The following CERS6 variants were observed in gnomAD, a reference collection of about 807,000 sequenced individuals.
The protein encoded by CERS6 is LAG1 homolog, ceramide synthase 6.
In CERS6, 26 loss-of-function variants were observed where a neutral mutation model predicts 56.8. The ratio of observed to expected loss-of-function variants is 0.46; its 90% confidence interval spans 0.34 to 0.63. The LOEUF (loss-of-function observed/expected upper bound fraction) is 0.63. Ranked by LOEUF, CERS6 falls within the 30% of genes least tolerant of loss-of-function variation. The pLI is 0.01. For missense variants in CERS6, 415 were observed against 467.5 expected, an observed-to-expected ratio of 0.89 and a Z score of 1.04; for synonymous variants, 164 against 173.3, an observed-to-expected ratio of 0.95 and a Z score of 0.42.
At chr2:168,732,458 A>G (rs1221272839) in intron 8 of CERS6, among the ~76,000 whole-genome samples, 1 of 152,164 alleles carries the variant, frequency 6.6e-6, no homozygotes, top group Non-Finnish European at 1.5e-5. Context: ...TGTTTACTTA[A>G]TTCAATCTAA....
intron 8 of CERS6, among the ~76,000 whole-genome samples, chr2:168,721,549 T>TA (rs1366908772): frequency 3.3e-5 from 1 of 30,324 alleles, no homozygotes; most frequent in African/African-American, 5.7e-5. Context: ...TTAGTTTTTG[T>TA]TTTTGTTTTT....
chr2:168,568,456 T>C (rs940543978), intron 3 of CERS6, among the ~76,000 whole-genome samples: 1 of 152,216 alleles, frequency 6.6e-6, no homozygotes, highest in Admixed American at 6.5e-5. Flanking sequence ...TCCTTATAAT[T>C]GATTTTGATT....
intron 1 of CERS6, among the ~76,000 whole-genome samples, chr2:168,457,920 A>C (rs756991640): frequency 3.3e-5 from 5 of 152,198 alleles, no homozygotes; most frequent in Admixed American, 6.5e-5. Flanking sequence ...TCGCCTGCAG[A>C]AATTGACATG....
In CERS6 at chr2:168,769,701, T is replaced by G; in HGVS notation, c.*39T>G. On this transcript the variant is annotated 3_prime_UTR_variant, in exon 10 of 10. Transcript: ENST00000305747. ...CAAGTCCCAAGCAAAGTGAACTATT[T>G]GTTCCTGGAAGTATTTAATAAGTTG... 6.3e-7 allele frequency: 1 copy of G among 1,593,794 alleles called. No homozygotes were observed. The highest frequency in any genetic ancestry group is 8.5e-7 in the Non-Finnish European group (1 of 1,171,022).
chr2:168,563,083 A>G (rs1053864159), intron 3 of CERS6, among the ~76,000 whole-genome samples: 4 of 152,152 alleles, frequency 2.6e-5, no homozygotes, highest in East Asian at 3.9e-4. Context: ...CTCAAATACT[A>G]TTGTATTTGA....
At chr2:168,501,693 T>C in intron 1 of CERS6, among the ~76,000 whole-genome samples, 1 of 152,224 alleles carries the variant, frequency 6.6e-6, no homozygotes, top group Non-Finnish European at 1.5e-5. Flanking sequence ...ACCAGCTGTC[T>C]TTTAATGATT....
rs1553503146 is a variant in CERS6, at chr2:168,645,116, A to AAAAT, written c.465+14075_465+14076insAATA. The stretch of plus-strand genomic sequence containing the variant: ...AAAAAAAAAAAAAAAAAAAAAAAAA[A>AAAAT]ATATATATATATATATATATATATA... On this transcript the variant is annotated intron_variant, in intron 4 of 9. Transcript: ENST00000305747. Among the ~76,000 whole-genome samples, 10 of 19,034 alleles carry AAAAT rather than the reference A, an allele frequency of 5.3e-4. 3 individuals are homozygous for AAAAT. The highest frequency in any genetic ancestry group is 8.0e-4 in the Non-Finnish European group (8 of 10,018). 12.5% of individuals were successfully genotyped at this position (19,034 alleles called of 152,430 possible).
chr2:168,569,745 A>G (rs1476921105), intron 3 of CERS6, among the ~76,000 whole-genome samples: 1 of 152,130 alleles, frequency 6.6e-6, no homozygotes, highest in Non-Finnish European at 1.5e-5. Context: ...TGGGCTGTGG[A>G]GCCTGGGAGT....
At chr2:168,660,637 CAT>C (rs1423498464) in intron 4 of CERS6, among the ~76,000 whole-genome samples, 1 of 151,976 alleles carries the variant, frequency 6.6e-6, no homozygotes, top group African/African-American at 2.4e-5. Context: ...ACTTAAATAA[CAT>C]GTCTTCTTTA....
Position 168,456,537 on chromosome 2 carries a change from C to T in CERS6, c.89C>T (p.Ala30Val). 1.9e-6 allele frequency: 3 copies of T among 1,614,016 alleles called. No homozygotes were observed. The highest frequency in any genetic ancestry group is 2.2e-5 in the East Asian group (1 of 44,862). Reference protein sequence around the residue: ...TWADLKNTEEATFPQAEDLYL... With the variant: ...TWADLKNTEEVTFPQAEDLYL... ...GCGGACCTGAAGAACACGGAGGAGG[C>T]CACCTTCCCGCAGGCTGAGGACCTC... The change falls in exon 1 of 10, where the codon GCC (alanine) becomes GTC (valine). Residue 30 changes from alanine (A) to valine (V), a missense_variant. Transcript: ENST00000305747. The surrounding 1 kb of genome is among the most constrained non-coding windows in gnomAD (Gnocchi z 4.1).
intron 3 of CERS6, among the ~76,000 whole-genome samples, chr2:168,626,075 TTCTC>T (rs1224712569): frequency 6.6e-6 from 1 of 152,300 alleles, no homozygotes; most frequent in South Asian, 2.1e-4. Flanking sequence ...AATCCTGACT[TTCTC>T]TCTTACTAGC....
chr2:168,484,369 C>T (rs1355904889), intron 1 of CERS6, among the ~76,000 whole-genome samples: 16 of 151,386 alleles, frequency 1.1e-4, no homozygotes, highest in Admixed American at 5.9e-4. Flanking sequence ...TTAGTAGAGA[C>T]GGGGTTTCTC....
intron 1 of CERS6, among the ~76,000 whole-genome samples, chr2:168,488,735 C>T (rs1311157928): frequency 6.6e-6 from 1 of 151,724 alleles, no homozygotes; most frequent in Non-Finnish European, 1.5e-5. Context: ...TTGGTGAATG[C>T]TCTGGGAGTT....
At chr2:168,673,476 C>T (rs747175611) in intron 4 of CERS6, among the ~76,000 whole-genome samples, 6 of 152,192 alleles carry the variant, frequency 3.9e-5, no homozygotes, top group African/African-American at 1.2e-4. Flanking sequence ...GTCAGTACCA[C>T]GGTCAGCATG....
Position 168,480,667 on chromosome 2 carries a change from G to GC in CERS6, c.170+24051dup, listed in dbSNP as rs1412515956. Among the ~76,000 whole-genome samples, 3 of 152,164 alleles carry GC rather than the reference G, an allele frequency of 2.0e-5. No individual in the cohort carries two copies. In the East Asian group the frequency reaches 5.8e-4, roughly 29 times the overall value. On this transcript the variant is annotated intron_variant, in intron 1 of 9. Coordinates refer to ENST00000305747, the MANE Select transcript of CERS6 (RefSeq NM_203463.3). The stretch of plus-strand genomic sequence containing the variant: ...CTGAGAACTGGCATCTGGGACCTCA[G>GC]CCTAGTGTAGGAAAAAGAACATATG...
chr2:168,543,883 A>G (rs1354619655), intron 1 of CERS6, among the ~76,000 whole-genome samples: 1 of 152,134 alleles, frequency 6.6e-6, no homozygotes, highest in Admixed American at 6.5e-5. Flanking sequence ...CTTGAGTTGG[A>G]GTGGTCAGTC....
intron 6 of CERS6, among the ~76,000 whole-genome samples, chr2:168,713,861 C>T (rs1287641140): frequency 6.6e-6 from 1 of 151,968 alleles, no homozygotes; most frequent in Non-Finnish European, 1.5e-5. Flanking sequence ...TCCCAACAGG[C>T]GTATTCTGGG....
chr2:168,536,744 A>G (rs747819304), intron 1 of CERS6, among the ~76,000 whole-genome samples: 1 of 152,172 alleles, frequency 6.6e-6, no homozygotes, highest in African/African-American at 2.4e-5. Flanking sequence ...GCAAAGTATA[A>G]AGAAAGATCT....
intron 6 of CERS6, among the ~76,000 whole-genome samples, chr2:168,701,355 C>G (rs1039978136): frequency 6.6e-6 from 1 of 152,126 alleles, no homozygotes; most frequent in African/African-American, 2.4e-5. Context: ...CTCTTTGAAT[C>G]CCTGACAATC....
Sources: allele counts gnomAD v4.1 joint callset (sites outside exome capture counted in the v4.1 genomes callset), GRCh38; gene constraint gnomAD v4.1.1; non-coding constraint Gnocchi (gnomAD v3.1); transcripts MANE v1.5; gene names NCBI Gene and HGNC (gene_info 2026-07-23, HGNC 2026-07-21).